Variants in RBFOX1 observed in about 807,000 individuals in gnomAD.
RBFOX1 encodes the protein RNA binding fox-1 homolog 1.
In RBFOX1, 8 loss-of-function variants were observed where a neutral mutation model predicts 57.7. That is an observed-to-expected ratio of 0.14 (90% confidence interval 0.08 to 0.25). RBFOX1 has a LOEUF of 0.25. Among genes scored for constraint, RBFOX1 ranks in the 10% least tolerant of loss-of-function variants. The pLI, the probability that RBFOX1 is intolerant of heterozygous loss-of-function variation, is 1.00. For synonymous variants in RBFOX1, 326 were observed against 222.4 expected, an observed-to-expected ratio of 1.47 and a Z score of -4.15; for missense variants, 611 against 548.5, an observed-to-expected ratio of 1.11 and a Z score of -1.14.
At chr16:7,231,345 T>G (rs1346469797) in intron 4 of RBFOX1, among the ~76,000 whole-genome samples, 5 of 152,134 alleles carry the variant, frequency 3.3e-5, no homozygotes, top group Non-Finnish European at 5.9e-5. Context: ...ATCGTTCACG[T>G]GACTAAACTG....
intron 3 of RBFOX1, among the ~76,000 whole-genome samples, chr16:6,946,190 A>T (rs1326475638): frequency 6.6e-6 from 1 of 152,252 alleles, no homozygotes; most frequent in Non-Finnish European, 1.5e-5. Flanking sequence ...AAAGGACCAG[A>T]TACAGAGAAT....
At chr16:7,379,778 C>T (rs963936937) in intron 4 of RBFOX1, among the ~76,000 whole-genome samples, 4 of 150,996 alleles carry the variant, frequency 2.6e-5, no homozygotes, top group East Asian at 1.9e-4. Context: ...TCCTGCCTTC[C>T]GTCCTGCCTG....
At chr16:6,657,364 C>G (rs1289206809) in intron 3 of RBFOX1, among the ~76,000 whole-genome samples, 1 of 152,128 alleles carries the variant, frequency 6.6e-6, no homozygotes, top group Non-Finnish European at 1.5e-5. Context: ...GGAGACATTT[C>G]TCTTAATTGA....
intron 2 of RBFOX1, chr16:6,483,902 T>C: frequency 8.8e-7 from 1 of 1,138,232 alleles, no homozygotes; most frequent in South Asian, 2.5e-5. Flanking sequence ...TTGCAGCGCG[T>C]GAATGGGACG....
intron 4 of RBFOX1, among the ~76,000 whole-genome samples, chr16:7,191,675 G>T (rs567020306): frequency 6.6e-6 from 1 of 152,178 alleles, no homozygotes; most frequent in African/African-American, 2.4e-5. Flanking sequence ...CGTCAGAAGG[G>T]CATGCTCACG....
chr16:5,277,899 T>C (rs766435303), intron 1 of RBFOX1, among the ~76,000 whole-genome samples: 20 of 152,226 alleles, frequency 1.3e-4, no homozygotes, highest in Non-Finnish European at 2.6e-4. Flanking sequence ...CATTCATCCG[T>C]TGATTGACAC....
intron 1 of RBFOX1, among the ~76,000 whole-genome samples, chr16:6,217,857 C>G (rs1461144714): frequency 6.6e-6 from 1 of 152,076 alleles, no homozygotes; most frequent in East Asian, 1.9e-4. Flanking sequence ...TCTAGTAAAA[C>G]TACAAACATT....
rs112371072 is a variant in RBFOX1, at chr16:7,692,516, C to T, written c.995+15678C>T. Among the ~76,000 whole-genome samples the T allele has an allele frequency of 8.0e-3, 1,225 of 152,202 alleles. 13 individuals carry two copies. The highest frequency in any genetic ancestry group is 0.028 in the African/African-American group (1,172 of 41,544). ...AATAAAAATCTAACCGATGAAAACC[C>T]AGAGCCCCTGTACTGCTACTTTTGA... is the stretch of plus-strand genomic sequence containing the variant. On this transcript the variant is annotated intron_variant, in intron 14 of 15. Coordinates refer to ENST00000550418, the MANE Select transcript of RBFOX1 (RefSeq NM_018723.4).
chr16:5,773,080 T>G (rs2054033147), intron 3 of RBFOX1, among the ~76,000 whole-genome samples: 1 of 152,104 alleles, frequency 6.6e-6, no homozygotes, highest in Non-Finnish European at 1.5e-5. Context: ...TTGCTTACAA[T>G]GAGAGATGTG....
At chr16:6,949,770 T>C (rs748346449) in intron 3 of RBFOX1, among the ~76,000 whole-genome samples, 3 of 151,594 alleles carry the variant, frequency 2.0e-5, no homozygotes, top group Non-Finnish European at 4.4e-5. Context: ...CACAATTCGG[T>C]TCTGGGAATT....
intron 3 of RBFOX1, among the ~76,000 whole-genome samples, chr16:6,674,571 C>G (rs1409347285): frequency 6.6e-6 from 1 of 152,162 alleles, no homozygotes; most frequent in African/African-American, 2.4e-5. Context: ...ATCCACCCAC[C>G]TCAGCCTCCC....
intron 5 of RBFOX1, among the ~76,000 whole-genome samples, chr16:7,573,833 T>G (rs2093040665): frequency 8.4e-6 from 1 of 118,520 alleles, no homozygotes; most frequent in Admixed American, 7.9e-5. Flanking sequence ...AGACTCTGTC[T>G]CAAAAAAAAA....
At chr16:7,116,735 AGATGTCCGACCTGCATTT>A (rs2065983180) in intron 4 of RBFOX1, among the ~76,000 whole-genome samples, 1 of 152,160 alleles carries the variant, frequency 6.6e-6, no homozygotes, top group African/African-American at 2.4e-5. Flanking sequence ...CAGGCTCTGG[AGATGTCCGACCTGCATTT>A]GGATGACAGG....
chr16:7,270,787 T>C (rs2095300090), intron 4 of RBFOX1, among the ~76,000 whole-genome samples: 1 of 152,188 alleles, frequency 6.6e-6, no homozygotes, highest in African/African-American at 2.4e-5. Context: ...TGGCTAGCTC[T>C]CTTCTTCCTT....
In RBFOX1 at chr16:5,733,934, C is replaced by G. The variant is rs533754968; in HGVS notation, c.319-133369C>G. Among the ~76,000 whole-genome samples the G allele has an allele frequency of 5.3e-5, 8 of 152,228 alleles. No individual in the cohort carries two copies. In the South Asian group the frequency reaches 1.7e-3, roughly 32 times the overall value. ...GCCCTACCCCACCCTTCATTTTCTC[C>G]ATTTCCTTCATGCTTCCTGACCTCG... On this transcript the variant is annotated intron_variant, in intron 3 of 19. Coordinates refer to the RBFOX1 transcript ENST00000641259.
intron 2 of RBFOX1, among the ~76,000 whole-genome samples, chr16:6,349,272 C>G (rs1424612408): frequency 6.6e-6 from 1 of 152,180 alleles, no homozygotes; most frequent in Non-Finnish European, 1.5e-5. Context: ...TAGCCGACGA[C>G]TTGAGTGTAG....
At chr16:5,884,345 G>C (rs1456836404) in intron 4 of RBFOX1, among the ~76,000 whole-genome samples, 1 of 152,110 alleles carries the variant, frequency 6.6e-6, no homozygotes, top group Non-Finnish European at 1.5e-5. Context: ...GTGTGCTTTT[G>C]AGTCTGGCTT....
chr16:7,076,975 G>T (rs533393028), intron 4 of RBFOX1, among the ~76,000 whole-genome samples: 1 of 152,324 alleles, frequency 6.6e-6, no homozygotes, highest in South Asian at 2.1e-4. Context: ...GAAATGTGCA[G>T]TGTTATTGGG....
chr16:7,284,498 T>C (rs968359030), intron 4 of RBFOX1, among the ~76,000 whole-genome samples: 1 of 152,084 alleles, frequency 6.6e-6, no homozygotes, highest in Non-Finnish European at 1.5e-5. Context: ...GCCTGGTTAA[T>C]TTTTTAACTT....
Sources: gnomAD v4.1 joint callset for allele counts (sites outside exome capture counted in the v4.1 genomes callset) on GRCh38, gnomAD v4.1.1 for gene constraint, MANE v1.5 for transcripts, NCBI Gene and HGNC (gene_info 2026-07-23, HGNC 2026-07-21) for gene names.